Variants in SPIDR observed in about 807,000 individuals in gnomAD.
SPIDR encodes scaffold protein involved in DNA repair, also known as DNA repair-scaffolding protein.
Under a neutral mutation model 104.6 loss-of-function variants are expected in SPIDR, and 93 were observed. The observed-to-expected ratio is 0.89, with a 90% CI of 0.75 to 1.06. The LOEUF is 1.06. Ranked by LOEUF, SPIDR falls within the 50% of genes least tolerant of loss-of-function variation. SPIDR has a pLI of 0.00. For missense variants in SPIDR, 1,154 were observed against 1,111.2 expected (o/e 1.04, Z -0.55); for synonymous variants, 431 against 416.9 (o/e 1.03, Z -0.41).
At position 47,721,061 on chromosome 8, in the gene SPIDR, T is replaced by G. The variant is rs372240241; in HGVS notation, c.2342-6139T>G. The stretch of plus-strand genomic sequence containing the variant: ...GCATGAGCCACCGCTTCTGGCCCTT[T>G]TCATACTCTTAATAAGTCTTTTTGC... On this transcript the variant is annotated intron_variant, in intron 16 of 19. Coordinates refer to ENST00000297423, the MANE Select transcript of SPIDR (RefSeq NM_001080394.4). 1.9e-4 allele frequency among the ~76,000 whole-genome samples: 29 copies of G among 152,288 alleles called. 1 individual carries two copies. The highest frequency in any genetic ancestry group is 6.7e-4 in the African/African-American group (28 of 41,556).
intron 8 of SPIDR, among the ~76,000 whole-genome samples, chr8:47,519,093 A>C (rs1325173478): frequency 6.6e-6 from 1 of 152,140 alleles, no homozygotes; most frequent in Non-Finnish European, 1.5e-5. Flanking sequence ...AAAATGATAG[A>C]GTGGACAGTT....
chr8:47,608,292 A>T (rs1352785053), intron 10 of SPIDR, among the ~76,000 whole-genome samples: 1 of 152,172 alleles, frequency 6.6e-6, no homozygotes, highest in Non-Finnish European at 1.5e-5. Context: ...CTTGTTATGG[A>T]TGAATAATAA....
At chr8:47,316,640 A>C (rs2045401788) in intron 5 of SPIDR, among the ~76,000 whole-genome samples, 1 of 152,216 alleles carries the variant, frequency 6.6e-6, no homozygotes, top group Admixed American at 6.5e-5. Context: ...CGAGTTCTAG[A>C]ACAGGCAAAA....
intron 8 of SPIDR, among the ~76,000 whole-genome samples, chr8:47,464,407 C>G (rs782691485): frequency 1.3e-5 from 2 of 152,152 alleles, no homozygotes; most frequent in African/African-American, 2.4e-5. Context: ...CACCAAGGAA[C>G]CGGGAAGACC....
intron 16 of SPIDR, among the ~76,000 whole-genome samples, chr8:47,725,286 T>TA (rs2084049365): frequency 6.6e-6 from 1 of 152,214 alleles, no homozygotes; most frequent in South Asian, 2.1e-4. Flanking sequence ...ACAAGCAAAC[T>TA]AAAGACTTAA....
intron 3 of SPIDR, among the ~76,000 whole-genome samples, chr8:47,290,199 G>A (rs1283181452): frequency 6.6e-6 from 1 of 151,978 alleles, no homozygotes; most frequent in Non-Finnish European, 1.5e-5. Flanking sequence ...CCGCAACCAC[G>A]CCTGGCTAAT....
At chr8:47,695,088 AC>A (rs1328802364) in intron 11 of SPIDR, among the ~76,000 whole-genome samples, 5 of 152,124 alleles carry the variant, frequency 3.3e-5, no homozygotes, top group African/African-American at 1.2e-4. Context: ...GTAATATCAC[AC>A]ATCATGGGCC....
intron 14 of SPIDR, among the ~76,000 whole-genome samples, chr8:47,707,624 C>A (rs1471253279): frequency 6.6e-6 from 1 of 152,188 alleles, no homozygotes; most frequent in Non-Finnish European, 1.5e-5. Context: ...TTTTCTCTTA[C>A]AGATCACAGT....
intron 7 of SPIDR, among the ~76,000 whole-genome samples, chr8:47,422,769 T>G (rs1328749452): frequency 6.6e-6 from 1 of 152,226 alleles, no homozygotes; most frequent in African/African-American, 2.4e-5. Context: ...TGCAGTGAAT[T>G]CTAATACATC....
At chr8:47,574,806 A>G (rs2058895168) in intron 8 of SPIDR, among the ~76,000 whole-genome samples, 1 of 151,994 alleles carries the variant, frequency 6.6e-6, no homozygotes, top group African/African-American at 2.4e-5. Context: ...ACATATGAAC[A>G]GTGTCAACTT....
chr8:47,645,407 G>T (rs769838797), intron 10 of SPIDR, among the ~76,000 whole-genome samples: 1 of 152,060 alleles, frequency 6.6e-6, no homozygotes, highest in Non-Finnish European at 1.5e-5. Context: ...AGGGGTGACT[G>T]GGGGAGGCCA....
chr8:47,492,724 C>T (rs1032454449), intron 8 of SPIDR, among the ~76,000 whole-genome samples: 4 of 152,030 alleles, frequency 2.6e-5, no homozygotes, highest in African/African-American at 9.7e-5. Flanking sequence ...TACGTCTGGC[C>T]GTATTGCTCG....
At chr8:47,442,823 C>T (rs571911087) in intron 8 of SPIDR, among the ~76,000 whole-genome samples, 10 of 152,108 alleles carry the variant, frequency 6.6e-5, no homozygotes, top group Non-Finnish European at 1.2e-4. Flanking sequence ...TGGTCTCAAA[C>T]GCCTGGCCTC....
chr8:47,369,360 C>T (rs953558924), intron 5 of SPIDR, among the ~76,000 whole-genome samples: 3 of 152,166 alleles, frequency 2.0e-5, no homozygotes, highest in African/African-American at 4.8e-5. Flanking sequence ...TTAATGACAG[C>T]GTGGACTACT....
At position 47,300,940 on chromosome 8, in the gene SPIDR, A is replaced by G. The variant is rs986980030; in HGVS notation, c.525+6910A>G. ...TGTATTCTGTTGATTGGGGGTGGAG[A>G]GTTCTGTAGATGTCTATTAGGTCCG... On this transcript the variant is annotated intron_variant, in intron 5 of 19. Coordinates refer to ENST00000297423, the MANE Select transcript of SPIDR (RefSeq NM_001080394.4). Among the ~76,000 whole-genome samples, 525 of 152,146 alleles carry G rather than the reference A, an allele frequency of 3.5e-3. 7 individuals are homozygous for G. Among genetic ancestry groups the G allele is most frequent in the African/African-American group, 0.012 (497 of 41,498 alleles).
chr8:47,305,238 T>G (rs906691125), intron 5 of SPIDR, among the ~76,000 whole-genome samples: 4 of 152,302 alleles, frequency 2.6e-5, no homozygotes, highest in Non-Finnish European at 4.4e-5. Flanking sequence ...GTTATGTCAT[T>G]CTTATATACT....
intron 8 of SPIDR, among the ~76,000 whole-genome samples, chr8:47,541,123 A>G (rs1430028285): frequency 2.0e-5 from 3 of 152,138 alleles, no homozygotes; most frequent in Admixed American, 2.0e-4. Flanking sequence ...GCCTCCCAAA[A>G]TGCTGGGATT....
intron 8 of SPIDR, among the ~76,000 whole-genome samples, chr8:47,460,862 A>C (rs1453779298): frequency 6.6e-6 from 1 of 152,134 alleles, no homozygotes; most frequent in Non-Finnish European, 1.5e-5. Flanking sequence ...GGTAGTGGCG[A>C]ATTCTCTCAG....
chr8:47,430,391 T>C (rs1405758891), intron 7 of SPIDR, among the ~76,000 whole-genome samples: 1 of 152,156 alleles, frequency 6.6e-6, no homozygotes, highest in Middle Eastern at 3.2e-3. Flanking sequence ...CAACTTAGGA[T>C]GAATTAGAAG....
Sources: gnomAD v4.1 joint callset for allele counts (sites outside exome capture counted in the v4.1 genomes callset) on GRCh38, gnomAD v4.1.1 for gene constraint, MANE v1.5 for transcripts, NCBI Gene and HGNC (gene_info 2026-07-23, HGNC 2026-07-21) for gene names.